HPGDS: variants seen among roughly 807,000 people sequenced by gnomAD.
HPGDS encodes the protein GST class-sigma.
HPGDS carries 26 observed loss-of-function variants against 23.1 expected under a neutral mutation model. The observed-to-expected ratio is 1.13, with a 90% CI of 0.83 to 1.56. The LOEUF is 1.56. HPGDS is among the 40% of genes most tolerant of loss of function. The pLI is 0.00. For synonymous variants in HPGDS, 95 were observed against 77.9 expected (o/e 1.22, Z -1.16); for missense variants, 268 against 236.4 (o/e 1.13, Z -0.88).
rs746368404 is a variant in HPGDS at position 94,299,625 on chromosome 4, T to G, written c.455A>C (p.Tyr152Ser). The G allele has an allele frequency of 6.2e-7, 1 of 1,614,002 alleles. No homozygotes were observed. Among genetic ancestry groups the G allele is most frequent in the Admixed American group, 1.7e-5 (1 of 60,010 alleles). Reference sequence around the variant, plus strand: ...AAGTGTGGTACTGCAAATCTCCCAGTAGAAGTCTGCCCAAGTTACCTAGTT... The same window carrying G: ...AAGTGTGGTACTGCAAATCTCCCAGGAGAAGTCTGCCCAAGTTACCTAGTT... ...IGNSVTWADF[Y>S]WEICSTTLLV... The change falls in exon 6 of 6, where the codon TAC becomes TCC. Residue 152 changes from tyrosine (Y) to serine (S), a missense_variant. Coordinates refer to ENST00000295256, the MANE Select transcript of HPGDS (RefSeq NM_014485.3).
chr4:94,319,516 A>G (rs1033464215), intron 2 of HPGDS, among the ~76,000 whole-genome samples: 1 of 152,180 alleles, frequency 6.6e-6, no homozygotes, highest in Non-Finnish European at 1.5e-5. Flanking sequence ...ATTTGTATTC[A>G]TTGATAGATA....
intron 1 of HPGDS, among the ~76,000 whole-genome samples, chr4:94,341,702 A>G (rs1421495931): frequency 3.3e-5 from 5 of 152,216 alleles, no homozygotes; most frequent in Non-Finnish European, 7.3e-5. Flanking sequence ...TATAAAAACA[A>G]AGATTACTTG....
chr4:94,341,776 T>C (rs931037197), intron 1 of HPGDS, among the ~76,000 whole-genome samples: 3 of 152,212 alleles, frequency 2.0e-5, no homozygotes, highest in Non-Finnish European at 4.4e-5. Context: ...GTAATAAACT[T>C]ATACAAAATG....
intron 2 of HPGDS, among the ~76,000 whole-genome samples, chr4:94,322,900 A>G (rs1392236348): frequency 6.6e-6 from 1 of 152,202 alleles, no homozygotes; most frequent in East Asian, 1.9e-4. Context: ...GTGGGCATTT[A>G]GTGCTATAAA....
intron 1 of HPGDS, among the ~76,000 whole-genome samples, chr4:94,335,666 C>T (rs1041374213): frequency 3.9e-5 from 6 of 152,086 alleles, no homozygotes; most frequent in Non-Finnish European, 8.8e-5. Context: ...TAATCATTAG[C>T]ATCAGTAATA....
intron 1 of HPGDS, among the ~76,000 whole-genome samples, chr4:94,340,292 TCTTTCTTTCTTTCTTTCTC>T (rs1721115265): frequency 2.8e-5 from 2 of 71,194 alleles, no homozygotes; most frequent in East Asian, 6.2e-4. Context: ...TTTCTTTCTT[TCTTTCTTTCTTTCTTTCTC>T]TTTTTTTTTT....
At position 94,299,243 on chromosome 4, in the gene HPGDS, T is replaced by G; in HGVS notation, c.*237A>C. On this transcript the variant is annotated 3_prime_UTR_variant, in exon 6 of 6. Coordinates refer to ENST00000295256, the MANE Select transcript of HPGDS (RefSeq NM_014485.3). ...GAACCTGTGCAAAGCAAGGTCTGCCTGTATTACATACTATTTTTCTGTAAT... is the reference window on the plus strand; with the variant it reads ...GAACCTGTGCAAAGCAAGGTCTGCCGGTATTACATACTATTTTTCTGTAAT... 2 of 405,298 alleles carry G rather than the reference T, an allele frequency of 4.9e-6. No homozygotes were observed. Among genetic ancestry groups the G allele is most frequent in the Non-Finnish European group, 8.8e-6 (2 of 226,896 alleles). The allele number at this position is 405,298 out of a possible 1,614,324, so 25.1% of individuals were successfully genotyped here. A position where few individuals can be genotyped will look rare whatever the true frequency, so the allele number is the denominator to read the frequency against.
chr4:94,321,646 G>C (rs537276202), intron 2 of HPGDS, among the ~76,000 whole-genome samples: 1,917 of 151,884 alleles, frequency 0.013, 43 homozygotes, highest in African/African-American at 0.044. Flanking sequence ...TTGCTTATCA[G>C]CTTAAGGAGA....
intron 2 of HPGDS, among the ~76,000 whole-genome samples, chr4:94,320,159 C>A (rs891860101): frequency 2.0e-5 from 3 of 152,178 alleles, no homozygotes; most frequent in Non-Finnish European, 4.4e-5. Context: ...TCCTGTCTAA[C>A]ACTGATGGAC....
chr4:94,306,525 A>G (rs1045327564), intron 4 of HPGDS, among the ~76,000 whole-genome samples: 1 of 152,018 alleles, frequency 6.6e-6, no homozygotes, highest in Admixed American at 6.6e-5. Flanking sequence ...AAATCCTTAA[A>G]TGGCTCAGGA....
intron 1 of HPGDS, 126 bp from the exon 2 acceptor site, chr4:94,334,764 T>G: frequency 1.3e-6 from 1 of 744,424 alleles, no homozygotes; most frequent in South Asian, 2.6e-5. Flanking sequence ...AGAGGATATT[T>G]CAAAACCAAA....
chr4:94,309,759 G>A (rs1450080450), intron 3 of HPGDS, among the ~76,000 whole-genome samples: 3 of 151,498 alleles, frequency 2.0e-5, no homozygotes, highest in Admixed American at 6.6e-5. Flanking sequence ...GTGTAAAAGT[G>A]TTCCTATTTC....
At chr4:94,340,816 G>T (rs1721151329) in intron 1 of HPGDS, among the ~76,000 whole-genome samples, 1 of 143,158 alleles carries the variant, frequency 7.0e-6, no homozygotes, top group South Asian at 2.3e-4. Context: ...CAACCACCAC[G>T]CCCGGCAAAT....
At chr4:94,311,793 T>C (rs1756278587) in intron 3 of HPGDS, among the ~76,000 whole-genome samples, 1 of 151,420 alleles carries the variant, frequency 6.6e-6, no homozygotes, top group South Asian at 2.1e-4. Context: ...TGGTAAGCTA[T>C]AAATTATTGC....
intron 1 of HPGDS, among the ~76,000 whole-genome samples, chr4:94,336,951 TTTTGTTTC>T (rs1721032899): frequency 4.8e-5 from 1 of 20,844 alleles, no homozygotes; most frequent in Non-Finnish European, 1.0e-4. Context: ...TGGTGTTTCG[TTTTGTTTC>T]GTTTTGTTTC....
intron 3 of HPGDS, among the ~76,000 whole-genome samples, chr4:94,312,635 T>C (rs2126038127): frequency 6.6e-6 from 1 of 152,264 alleles, no homozygotes; most frequent in African/African-American, 2.4e-5. Context: ...GGTGGAGAGT[T>C]CTGTAGATGT....
At chr4:94,336,996 ACT>A (rs1476607052) in intron 1 of HPGDS, among the ~76,000 whole-genome samples, 2 of 152,026 alleles carry the variant, frequency 1.3e-5, no homozygotes, top group East Asian at 3.9e-4. Flanking sequence ...GCACAGTCTC[ACT>A]CTGTCCCCCA....
At chr4:94,323,077 G>A (rs551687529) in intron 2 of HPGDS, among the ~76,000 whole-genome samples, 47 of 152,330 alleles carry the variant, frequency 3.1e-4, no homozygotes, top group African/African-American at 1.1e-3. Context: ...GTGGTTTTGA[G>A]TGAGTTTCTT....
At chr4:94,334,444 AC>A in intron 2 of HPGDS, 52 bp downstream of exon 2, 1 of 1,443,982 alleles carries the variant, frequency 6.9e-7, no homozygotes, top group East Asian at 2.5e-5. Context: ...CTGAGGAAAA[AC>A]AAAAGGTTCT....
Sources: allele counts gnomAD v4.1 joint callset (sites outside exome capture counted in the v4.1 genomes callset), GRCh38; gene constraint gnomAD v4.1.1; transcripts MANE v1.5; gene names NCBI Gene and HGNC (gene_info 2026-07-23, HGNC 2026-07-21).